The following TSGA13 variants were observed in gnomAD, a reference collection of about 807,000 sequenced individuals.
TSGA13 encodes testis specific 13, also known as testis-specific gene 13 protein.
In TSGA13, 37 loss-of-function variants were observed where a neutral mutation model predicts 35.1. The ratio of observed to expected loss-of-function variants is 1.05; its 90% CI spans 0.81 to 1.39. The LOEUF is 1.39. Ranked by LOEUF, TSGA13 falls within the 40% of genes most tolerant of loss-of-function variation. The pLI, the probability that TSGA13 is intolerant of heterozygous loss-of-function variation, is 0.00. For synonymous variants in TSGA13, 124 were observed against 121.2 expected (o/e 1.02, Z -0.15); for missense variants, 338 against 328.5 (o/e 1.03, Z -0.22).
chr7:130,674,161 CT>C (rs1240762235), intron 5 of TSGA13, among the ~76,000 whole-genome samples: 3 of 114,710 alleles, frequency 2.6e-5, no homozygotes, highest in African/African-American at 8.3e-5. Context: ...TCTTTTTTTT[CT>C]TTTTTTCTTT....
chr7:130,673,866 C>T (rs563029285), intron 5 of TSGA13, among the ~76,000 whole-genome samples: 1 of 152,198 alleles, frequency 6.6e-6, no homozygotes, highest in African/African-American at 2.4e-5. Context: ...GAGGCCAAAG[C>T]GATGGATCAT....
At position 130,681,055 on chromosome 7, in the gene TSGA13, A is replaced by C. The variant is rs1796534070; in HGVS notation, c.103-38T>G. 1.9e-6 allele frequency: 3 copies of C among 1,577,284 alleles called. No homozygotes were observed. The East Asian group carries it at 6.7e-5, about 35-fold the overall frequency. The stretch of plus-strand genomic sequence containing the variant: ...ATCAAAGTTAGTGGTTTGAAGTTGC[A>C]CCTATCCTAAACAGTATTCCATTCC... On this transcript the variant is annotated intron_variant, in intron 3 of 7. Coordinates refer to ENST00000356588, the MANE Select transcript of TSGA13 (RefSeq NM_052933.4).
At chr7:130,684,009 T>C in intron 2 of TSGA13, among the ~76,000 whole-genome samples, 1 of 152,196 alleles carries the variant, frequency 6.6e-6, no homozygotes, top group Admixed American at 6.5e-5. Flanking sequence ...GGAAGTTAGA[T>C]CCTCACAATA....
At chr7:130,675,305 C>T (rs1219253927) in intron 5 of TSGA13, among the ~76,000 whole-genome samples, 1 of 143,574 alleles carries the variant, frequency 7.0e-6, no homozygotes, top group Non-Finnish European at 1.5e-5. Context: ...TCCTACTTCC[C>T]TATAACTTCA....
intron 3 of TSGA13, among the ~76,000 whole-genome samples, chr7:130,681,550 T>C (rs1489683792): frequency 6.6e-6 from 1 of 152,238 alleles, no homozygotes; most frequent in Non-Finnish European, 1.5e-5. Context: ...GCAGTGCATG[T>C]TACAATTTTG....
At chr7:130,682,484 C>T (rs1796570792) in intron 3 of TSGA13, among the ~76,000 whole-genome samples, 1 of 152,034 alleles carries the variant, frequency 6.6e-6, no homozygotes, top group African/African-American at 2.4e-5. Context: ...CTCAAGTGAT[C>T]CTCCCACCTT....
In TSGA13 at chr7:130,684,315, A is replaced by G. The variant is rs1184933365; in HGVS notation, c.24-643T>C. ...TCTACTCTGTTACCCTCACCCTAAT[A>G]CCAATTCTCTTTGCAGAAAATAGGG... On this transcript the variant is annotated intron_variant, in intron 2 of 7. Coordinates refer to ENST00000356588, the MANE Select transcript of TSGA13 (RefSeq NM_052933.4). Among the ~76,000 whole-genome samples the G allele has an allele frequency of 3.3e-5, 5 of 152,246 alleles. No homozygotes were observed. The East Asian group carries it at 9.6e-4, about 29-fold the overall frequency.
chr7:130,675,498 G>T (rs1028593264), intron 5 of TSGA13, among the ~76,000 whole-genome samples: 1 of 152,046 alleles, frequency 6.6e-6, no homozygotes, highest in Non-Finnish European at 1.5e-5. Flanking sequence ...ATTCTCCTGT[G>T]TTAGCCTCCG....
chr7:130,685,040 G>A (rs1302712798), intron 2 of TSGA13, 148 bp downstream of exon 2: 12 of 846,528 alleles, frequency 1.4e-5, no homozygotes, highest in East Asian at 1.0e-4. Context: ...ACCAAGATCC[G>A]GTTTTTGATC....
At chr7:130,669,419 A>G (rs190650847) in intron 7 of TSGA13, among the ~76,000 whole-genome samples, 9 of 152,262 alleles carry the variant, frequency 5.9e-5, no homozygotes, top group African/African-American at 1.4e-4. Flanking sequence ...GTTCAAGCCT[A>G]TTTCTTTCAA....
intron 4 of TSGA13, among the ~76,000 whole-genome samples, chr7:130,679,789 A>G (rs1298312595): frequency 6.6e-6 from 1 of 152,118 alleles, no homozygotes; most frequent in African/African-American, 2.4e-5. Context: ...CTCCCAAAGT[A>G]TGGAGATTAC....
At chr7:130,680,371 T>C (rs966822298) in intron 4 of TSGA13, among the ~76,000 whole-genome samples, 1 of 151,572 alleles carries the variant, frequency 6.6e-6, no homozygotes, top group Admixed American at 6.6e-5. Context: ...CCAGGCGTAG[T>C]GGGGGGCGCC....
At chr7:130,679,447 G>C in intron 4 of TSGA13, 80 bp from the exon 5 acceptor site, 2 of 1,228,824 alleles carry the variant, frequency 1.6e-6, no homozygotes, top group Admixed American at 2.3e-5. Context: ...CTGATACTTA[G>C]CCTCTGTGGG....
At chr7:130,681,182 T>C (rs530104716) in intron 3 of TSGA13, among the ~76,000 whole-genome samples, 165 bp from the exon 4 acceptor site, 2 of 152,180 alleles carry the variant, frequency 1.3e-5, no homozygotes, top group Non-Finnish European at 2.9e-5. Context: ...TCTAGGTTTC[T>C]GGAACAAGGG....
chr7:130,681,090 C>T, intron 3 of TSGA13, 73 bp from the exon 4 acceptor site: 5 of 1,272,764 alleles, frequency 3.9e-6, no homozygotes, highest in South Asian at 1.2e-5. Flanking sequence ...CTTACCTCAC[C>T]TTAGTCTCAC....
chr7:130,685,056 A>G lies in TSGA13; in HGVS notation c.23+132T>C, dbSNP rs1296673077. 4.1e-6 allele frequency: 4 copies of G among 971,340 alleles called. No homozygotes were observed. The African/African-American group carries it at 6.4e-5, about 16-fold the overall frequency. 60.2% of individuals were successfully genotyped at this position (971,340 alleles called of 1,614,324 possible). On this transcript the variant is annotated intron_variant, in intron 2 of 7. Transcript: ENST00000356588. ...CCAAGATCCGGTTTTTGATCCAGGG[A>G]CAATCAGTCAATTAAAATATGTTTA...
intron 1 of TSGA13, 28 bp from the exon 2 acceptor site, chr7:130,685,388 A>G: frequency 7.1e-7 from 1 of 1,407,140 alleles, no homozygotes; most frequent in Admixed American, 2.5e-5. Context: ...AAAGACTGAT[A>G]GGTGCTATTG....
At position 130,674,066 on chromosome 7, in the gene TSGA13, G is replaced by T. The variant is rs539595055; in HGVS notation, c.388-1190C>A. On this transcript the variant is annotated intron_variant, in intron 5 of 7. Coordinates refer to ENST00000356588, the MANE Select transcript of TSGA13 (RefSeq NM_052933.4). Reference sequence around the variant, plus strand: ...GCCGAGATCACACCACTGCATTCCAGCTTGGGCAACAGAGTGAGACTCCAT... The same window carrying T: ...GCCGAGATCACACCACTGCATTCCATCTTGGGCAACAGAGTGAGACTCCAT... Among the ~76,000 whole-genome samples the T allele has an allele frequency of 1.6e-4, 25 of 151,726 alleles. No homozygotes were observed. The East Asian group carries it at 4.9e-3, about 30-fold the overall frequency.
chr7:130,670,772 C>T (rs575538881), intron 7 of TSGA13, among the ~76,000 whole-genome samples: 28 of 152,028 alleles, frequency 1.8e-4, no homozygotes, highest in Admixed American at 1.1e-3. Context: ...AGGTGCATGC[C>T]GCCACACCCT....
Sources: gnomAD v4.1 joint callset for allele counts (sites outside exome capture counted in the v4.1 genomes callset) on GRCh38, gnomAD v4.1.1 for gene constraint, MANE v1.5 for transcripts, NCBI Gene and HGNC (gene_info 2026-07-23, HGNC 2026-07-21) for gene names.